The following PTPN23 variants were observed in gnomAD, a reference collection of about 807,000 sequenced individuals.
PTPN23 encodes the protein protein tyrosine phosphatase non-receptor type 23.
A neutral mutation model predicts 156.3 loss-of-function variants in PTPN23; 72 were observed. The observed-to-expected ratio is 0.46, with a 90% CI of 0.38 to 0.56. The LOEUF (loss-of-function observed/expected upper bound fraction) is 0.56, where lower values mean the gene tolerates loss of function less well. PTPN23 is among the 20% of genes least tolerant of loss of function. PTPN23 has a pLI of 0.00. For synonymous variants in PTPN23, 957 were observed against 899.6 expected (o/e 1.06, Z -1.14); for missense variants, 1,974 against 2,171.5 (o/e 0.91, Z 1.81).
Position 47,411,872 on chromosome 3 carries a change from C to T in PTPN23, c.3978C>T (p.Thr1326=), listed in dbSNP as rs201197775. The T allele has an allele frequency of 1.1e-5, 17 of 1,613,382 alleles. No homozygotes were observed. The highest frequency in any genetic ancestry group is 2.2e-5 in the East Asian group (1 of 44,872). The stretch of plus-strand genomic sequence containing the variant: ...TGGCATTGAGCAGCGTCCGCAGCAC[C>T]GAAACCCATGTGGAGCGCGTGCTGA... The part of the protein sequence containing the change: ...LSLALSSVRS[T]ETHVERVLSL... Residue 1326 remains threonine (T), a synonymous_variant, in exon 21 of 25, where the codon ACC becomes ACT. Transcript: ENST00000265562. This position sits in a 1 kb window ranked among gnomAD's most constrained non-coding sequence, Gnocchi z 6.3.
Position 47,405,678 on chromosome 3 carries a change from G to A in PTPN23, c.365-71G>A. The A allele has an allele frequency of 6.8e-7, 1 of 1,468,286 alleles. No homozygotes were observed. Among genetic ancestry groups the A allele is most frequent in the Non-Finnish European group, 9.3e-7 (1 of 1,071,466 alleles). The allele number at this position is 1,468,286 out of a possible 1,614,324, so 91.0% of individuals were successfully genotyped here. A position where few individuals can be genotyped will look rare whatever the true frequency, so the allele number is the denominator to read the frequency against. On this transcript the variant is annotated intron_variant, in intron 4 of 24. Transcript: ENST00000265562. The surrounding 1 kb of genome is among the most constrained non-coding windows in gnomAD (Gnocchi z 4.7). ...TGTCCTGATTGTGGATAACAGCAGT[G>A]CCCCCTCTGTCTCACCTTCACATGG...
At chr3:47,393,716 T>A (rs1704821433) in intron 1 of PTPN23, among the ~76,000 whole-genome samples, 1 of 152,082 alleles carries the variant, frequency 6.6e-6, no homozygotes, top group South Asian at 2.1e-4. Context: ...GGGGTTCTCA[T>A]ATTGCATTTA....
chr3:47,404,104 G>A (rs769000190), intron 2 of PTPN23, among the ~76,000 whole-genome samples: 18 of 152,170 alleles, frequency 1.2e-4, no homozygotes, highest in Non-Finnish European at 2.2e-4. Flanking sequence ...GTTAAGTAGA[G>A]TAAAAAACTT....
Position 47,409,023 on chromosome 3 carries a change from G to A in PTPN23, c.1578G>A (p.Leu526=). ...CCATGAACCTGCACGTCGGCAACCT[G>A]CGCCTGCTCAGCGGGCCGCTTGACC... The part of the protein sequence containing the change: ...HRAMNLHVGN[L]RLLSGPLDQV... Residue 526 remains leucine (L), a synonymous_variant, in exon 16 of 25, where the codon CTG becomes CTA. Transcript: ENST00000265562. The A allele has an allele frequency of 1.2e-6, 2 of 1,614,082 alleles. No individual in the cohort carries two copies. The highest frequency in any genetic ancestry group is 1.7e-6 in the Non-Finnish European group (2 of 1,180,042).
intron 1 of PTPN23, among the ~76,000 whole-genome samples, chr3:47,383,350 C>T (rs1374087742): frequency 6.6e-6 from 1 of 152,202 alleles, no homozygotes; most frequent in Non-Finnish European, 1.5e-5. Flanking sequence ...CTTTCAAGGT[C>T]TACTTAAGCT....
chr3:47,393,449 G>A (rs148214622), intron 1 of PTPN23, among the ~76,000 whole-genome samples: 5 of 152,242 alleles, frequency 3.3e-5, no homozygotes, highest in South Asian at 2.1e-4. Flanking sequence ...CACTGTGCCC[G>A]GCTACCTAGT....
rs879071171 is a variant in PTPN23, at chr3:47,396,245, C to T, written c.159+28C>T. The T allele has an allele frequency of 1.9e-5, 29 of 1,563,276 alleles. No individual in the cohort carries two copies. The Admixed American group carries it at 4.5e-4, about 24-fold the overall frequency. The stretch of plus-strand genomic sequence containing the variant: ...AGGAGGATAGTATTATCTTTTTATG[C>T]ATGGGTAGACAGGATTGGTTTGATA... On this transcript the variant is annotated intron_variant, in intron 2 of 24. Coordinates refer to ENST00000265562, the MANE Select transcript of PTPN23 (RefSeq NM_015466.4).
chr3:47,408,604 T>TG (rs901569685), intron 15 of PTPN23, 114 bp downstream of exon 15: 1 of 1,470,662 alleles, frequency 6.8e-7, no homozygotes, highest in Non-Finnish European at 9.2e-7. Flanking sequence ...GGCCCTGGCT[T>TG]GGGCATCCAC....
chr3:47,381,201 C>T (rs776436757), intron 1 of PTPN23, 21 bp downstream of exon 1: 13 of 1,564,042 alleles, frequency 8.3e-6, no homozygotes, highest in Non-Finnish European at 1.0e-5. Flanking sequence ...CTTCCATCTT[C>T]CCCCCTATCC....
chr3:47,410,149 C>T lies in PTPN23; in HGVS notation c.2351C>T (p.Pro784Leu). The change falls in exon 20 of 25, where the codon CCC (proline) becomes CTC (leucine). Residue 784 changes from proline (P) to leucine (L), a missense_variant. Pro to Leu is a moderately conservative substitution (Grantham distance 98, BLOSUM62 -3). Coordinates refer to ENST00000265562, the MANE Select transcript of PTPN23 (RefSeq NM_015466.4). ...SPFPSSTGPG[P>L]HYLSGPLPPG... ...TTCCCCAGCTCCACAGGCCCAGGAC[C>T]CCACTATCTCTCAGGCCCCTTGCCC... The T allele has an allele frequency of 6.3e-7, 1 of 1,593,128 alleles. No homozygotes were observed. Among genetic ancestry groups the T allele is most frequent in the Non-Finnish European group, 8.6e-7 (1 of 1,168,504 alleles).
chr3:47,410,381 C>T lies in PTPN23; in HGVS notation c.2583C>T (p.Pro861=). The T allele has an allele frequency of 6.2e-7, 1 of 1,611,078 alleles. No individual in the cohort carries two copies. The highest frequency in any genetic ancestry group is 8.5e-7 in the Non-Finnish European group (1 of 1,178,924). The change falls in exon 20 of 25, where the codon CCC becomes CCT. Residue 861 remains proline (P), a synonymous_variant. Transcript: ENST00000265562. ...CGGCCCCACCAGTTGCAGGTCTCCC[C>T]TCGGCCCCACCTCCTCAATTCTCAG... ...VGPAPPVAGL[P]SAPPPQFSGP...
At position 47,413,206 on chromosome 3, in the gene PTPN23, C is replaced by G; in HGVS notation, c.*21C>G. The G allele has an allele frequency of 6.3e-7, 1 of 1,591,240 alleles. No individual in the cohort carries two copies. Among genetic ancestry groups the G allele is most frequent in the Non-Finnish European group, 8.6e-7 (1 of 1,167,476 alleles). On this transcript the variant is annotated 3_prime_UTR_variant, in exon 25 of 25. Transcript: ENST00000265562. ...CCTGAACAGGTTTTGCCTACCTGGT[C>G]CTTACACTACATCATCATCATCTCA...
chr3:47,400,512 G>C (rs12636235), intron 2 of PTPN23, among the ~76,000 whole-genome samples: 4,638 of 152,290 alleles, frequency 0.03, 246 homozygotes, highest in East Asian at 0.15. Flanking sequence ...GGATCTGGAG[G>C]GGAGACTGCT....
rs867775818 is a variant in PTPN23 at position 47,409,219 on chromosome 3, C to A, written c.1699C>A (p.Arg567=). The change falls in exon 17 of 25, where the codon CGG becomes AGG. Residue 567 remains arginine (R), a synonymous_variant. Coordinates refer to ENST00000265562, the MANE Select transcript of PTPN23 (RefSeq NM_015466.4). The part of the protein sequence containing the change: ...KRILAKVQEM[R]DQRVSLEQQL... ...CATCCTGGCTAAGGTGCAGGAGATG[C>A]GGGACCAGCGCGTGTCCCTGGAGCA... is the stretch of plus-strand genomic sequence containing the variant. 3 of 1,614,136 alleles carry A rather than the reference C, an allele frequency of 1.9e-6. No homozygotes were observed. Among genetic ancestry groups the A allele is most frequent in the Admixed American group, 3.3e-5 (2 of 60,030 alleles).
intron 1 of PTPN23, among the ~76,000 whole-genome samples, chr3:47,388,372 T>C (rs1178370519): frequency 1.3e-5 from 2 of 151,958 alleles, no homozygotes; most frequent in Non-Finnish European, 2.9e-5. Context: ...CTCTGCTAAT[T>C]TTGCTTATTT....
intron 1 of PTPN23, among the ~76,000 whole-genome samples, chr3:47,390,355 G>A (rs1403247941): frequency 1.3e-5 from 2 of 150,792 alleles, no homozygotes; most frequent in African/African-American, 2.4e-5. Flanking sequence ...CCCTGGACGT[G>A]CCCTCACTGA....
Position 47,412,360 on chromosome 3 carries a change from C to G in PTPN23, c.4256C>G (p.Pro1419Arg). ...GAGGTGGAGGCTGGGAACGGAATCC[C>G]TGAGCTGCCTCAGCTGGTGCGGCGC... ...VQEVEAGNGI[P>R]ELPQLVRRMR... is the part of the protein sequence containing the mutation. The change falls in exon 23 of 25, where the codon CCT (proline) becomes CGT (arginine). Residue 1419 changes from proline to arginine, a missense_variant. Pro to Arg is a moderately radical substitution (Grantham distance 103, BLOSUM62 -2). Transcript: ENST00000265562. The G allele has an allele frequency of 6.2e-7, 1 of 1,613,264 alleles. No individual in the cohort carries two copies. The highest frequency in any genetic ancestry group is 1.1e-5 in the South Asian group (1 of 91,092).
In PTPN23 at chr3:47,408,948, C is replaced by T. The variant is rs1321502922; in HGVS notation, c.1503C>T (p.Tyr501=). 1 of 1,614,234 alleles carries T rather than the reference C, an allele frequency of 6.2e-7. No homozygotes were observed. The highest frequency in any genetic ancestry group is 2.2e-5 in the East Asian group (1 of 44,892). The change falls in exon 16 of 25, where the codon TAC becomes TAT. Residue 501 remains tyrosine (Y), a synonymous_variant. Transcript: ENST00000265562. ...AGGTGAGGCGAGAATGGGCCAAGTACATGGAAGTCCATGAGAAGGCCTCCT... is the reference window on the plus strand; with the variant it reads ...AGGTGAGGCGAGAATGGGCCAAGTATATGGAAGTCCATGAGAAGGCCTCCT... ...LAEVRREWAK[Y]MEVHEKASFT...
intron 2 of PTPN23, among the ~76,000 whole-genome samples, chr3:47,398,511 G>T (rs540536695): frequency 2.0e-5 from 3 of 152,008 alleles, no homozygotes; most frequent in African/African-American, 7.2e-5. Flanking sequence ...GTGTGTTTTT[G>T]ATTGTTGTAG....
Sources: allele counts gnomAD v4.1 joint callset (sites outside exome capture counted in the v4.1 genomes callset), GRCh38; gene constraint gnomAD v4.1.1; non-coding constraint Gnocchi (gnomAD v3.1); transcripts MANE v1.5; gene names NCBI Gene and HGNC (gene_info 2026-07-23, HGNC 2026-07-21).